The following ZNF516 variants were observed in gnomAD, a reference collection of about 807,000 sequenced individuals.
The protein encoded by ZNF516 is zinc finger protein 516.
In ZNF516, 19 loss-of-function variants were observed where a neutral mutation model predicts 79.7. That is an observed-to-expected ratio of 0.24 (90% CI 0.17 to 0.35). The LOEUF (loss-of-function observed/expected upper bound fraction) is 0.35, where lower values mean the gene tolerates loss of function less well. Ranked by LOEUF, ZNF516 falls within the 10% of genes least tolerant of loss-of-function variation. The pLI, the probability that ZNF516 is intolerant of heterozygous loss-of-function variation, is 1.00. For synonymous variants in ZNF516, 877 were observed against 739.5 expected (o/e 1.19, Z -3.02); for missense variants, 1,678 against 1,679.5 (o/e 1.00, Z 0.02).
At chr18:76,384,573 C>T (rs2074952795) in intron 3 of ZNF516, among the ~76,000 whole-genome samples, 1 of 146,018 alleles carries the variant, frequency 6.8e-6, no homozygotes, top group African/African-American at 2.6e-5. Context: ...CCCTCCATGG[C>T]CCCCAAACTC....
chr18:76,464,952 C>T (rs1424252390), intron 1 of ZNF516, among the ~76,000 whole-genome samples: 2 of 152,128 alleles, frequency 1.3e-5, no homozygotes, highest in Non-Finnish European at 2.9e-5. Flanking sequence ...TACTGGAATG[C>T]GACCCCAGGG....
intron 1 of ZNF516, among the ~76,000 whole-genome samples, chr18:76,483,471 G>C (rs886142094): frequency 6.6e-6 from 1 of 151,816 alleles, no homozygotes; most frequent in Non-Finnish European, 1.5e-5. Context: ...GCATCTGTCC[G>C]TCATCAGCAT....
Position 76,459,135 on chromosome 18 carries a change from G to A in ZNF516, c.-158+3893C>T, listed in dbSNP as rs1912936299. Among the ~76,000 whole-genome samples, 1 of 152,224 alleles carries A rather than the reference G, an allele frequency of 6.6e-6. No individual in the cohort carries two copies. The highest frequency in any genetic ancestry group is 2.4e-5 in the African/African-American group (1 of 41,458). ...CAGCAACACTCGTGCCCATGTGCCTGGATTACCAGCTTCGCACAGAGCCAG... is the reference window on the plus strand; with the variant it reads ...CAGCAACACTCGTGCCCATGTGCCTAGATTACCAGCTTCGCACAGAGCCAG... On this transcript the variant is annotated intron_variant, in intron 2 of 6. Coordinates refer to ENST00000443185, the MANE Select transcript of ZNF516 (RefSeq NM_014643.4). This position sits in a 1 kb window ranked among gnomAD's most constrained non-coding sequence, Gnocchi z 5.0.
chr18:76,371,200 A>C (rs758208918), intron 5 of ZNF516, among the ~76,000 whole-genome samples: 1 of 152,218 alleles, frequency 6.6e-6, no homozygotes, highest in Non-Finnish European at 1.5e-5. Flanking sequence ...ATTTCTGAGG[A>C]GTCAGTTACT....
At chr18:76,381,340 C>T (rs1353653516) in intron 3 of ZNF516, among the ~76,000 whole-genome samples, 3 of 152,096 alleles carry the variant, frequency 2.0e-5, no homozygotes, top group Non-Finnish European at 4.4e-5. Context: ...CAGATGTTTC[C>T]GGATATCTTA....
At chr18:76,392,327 G>A (rs1418026698) in intron 3 of ZNF516, among the ~76,000 whole-genome samples, 2 of 152,186 alleles carry the variant, frequency 1.3e-5, no homozygotes, top group African/African-American at 4.8e-5. Context: ...ACAATCTTCT[G>A]GTCAGCCACA....
rs368128166 is a variant in ZNF516 at position 76,380,292 on chromosome 18, G to A, written c.1822C>T (p.Arg608Cys). Residue 608 changes from arginine (R) to cysteine (C), a missense_variant, in exon 4 of 7, where the codon CGC becomes TGC. This residue lies in a region of ZNF516 where 1,294 missense variants were observed against 1,248.3 expected (regional missense o/e 1.04). Coordinates refer to ENST00000443185, the MANE Select transcript of ZNF516 (RefSeq NM_014643.4). ...ACCTCTTCGGAAAAGCAGCAGCGGCGCGGCTGTCCCCCTAGAGGAGGCAAA... is the reference window on the plus strand; with the variant it reads ...ACCTCTTCGGAAAAGCAGCAGCGGCACGGCTGTCCCCCTAGAGGAGGCAAA... ...APEPAPGGQP[R>C]RCCFSEEVTS... is the part of the protein sequence containing the mutation. The A allele has an allele frequency of 8.7e-6, 14 of 1,613,294 alleles. No homozygotes were observed. The highest frequency in any genetic ancestry group is 2.2e-5 in the East Asian group (1 of 44,862).
intron 5 of ZNF516, among the ~76,000 whole-genome samples, chr18:76,370,971 C>T (rs2074693994): frequency 6.6e-6 from 1 of 152,160 alleles, no homozygotes; most frequent in Admixed American, 6.5e-5. Context: ...TCTCTAATGC[C>T]CCTGCGCTGT....
At chr18:76,430,570 A>G (rs1198823288) in intron 3 of ZNF516, among the ~76,000 whole-genome samples, 1 of 152,224 alleles carries the variant, frequency 6.6e-6, no homozygotes, top group Non-Finnish European at 1.5e-5. Flanking sequence ...GCCATTCTCC[A>G]TCAGGTTTCA....
At chr18:76,491,678 C>CG in intron 1 of ZNF516, 1 of 505,726 alleles carries the variant, frequency 2.0e-6, no homozygotes, top group South Asian at 8.4e-5. Flanking sequence ...GCCCCCACCC[C>CG]GGGGCGGGCA....
chr18:76,452,681 C>T (rs1472308841), intron 2 of ZNF516, among the ~76,000 whole-genome samples: 1 of 152,200 alleles, frequency 6.6e-6, no homozygotes, highest in Non-Finnish European at 1.5e-5. Flanking sequence ...AATAGAAGAA[C>T]ATTTGCTAAG....
intron 3 of ZNF516, among the ~76,000 whole-genome samples, chr18:76,408,510 G>A (rs1444252563): frequency 6.6e-6 from 1 of 152,142 alleles, no homozygotes; most frequent in Non-Finnish European, 1.5e-5. Flanking sequence ...TTTAAGGGAT[G>A]GTTTAAAAGG....
In ZNF516 at chr18:76,416,033, C is replaced by T. The variant is rs373443058; in HGVS notation, c.1810+25212G>A. The stretch of plus-strand genomic sequence containing the variant: ...TTTATACTAACAGAGTAAGCTGTTT[C>T]TAACAATACATCCTCCTGTACTAAG... On this transcript the variant is annotated intron_variant, in intron 3 of 6. Transcript: ENST00000443185. 9.2e-5 allele frequency among the ~76,000 whole-genome samples: 14 copies of T among 152,316 alleles called. No homozygotes were observed. In the South Asian group the frequency reaches 2.9e-3, roughly 32 times the overall value.
chr18:76,432,071 G>A (rs2075668121), intron 3 of ZNF516, among the ~76,000 whole-genome samples: 1 of 152,236 alleles, frequency 6.6e-6, no homozygotes, highest in South Asian at 2.1e-4. Context: ...GATAGTCTCT[G>A]CAGATGTCAC....
chr18:76,496,313 T>G (rs1469171686), upstream of ZNF516: 3 of 1,289,568 alleles, frequency 2.3e-6, no homozygotes, highest in Admixed American at 6.9e-5. Flanking sequence ...CTCCTCGTGA[T>G]AACTCCGCAG....
chr18:76,381,279 T>C (rs1359943901), intron 3 of ZNF516, among the ~76,000 whole-genome samples: 2 of 152,212 alleles, frequency 1.3e-5, no homozygotes, highest in Non-Finnish European at 2.9e-5. Context: ...ATGTTTTGCA[T>C]TTACGGCCTT....
In ZNF516 at chr18:76,410,679, A is replaced by T. The variant is rs746448017; in HGVS notation, c.1811-30376T>A. On this transcript the variant is annotated intron_variant, in intron 3 of 6. Transcript: ENST00000443185. ...CTTCCCCTTGCAAATTTATTTTGGG[A>T]ATCAAAGAAAATAAACCATTCACTT... Among the ~76,000 whole-genome samples the T allele has an allele frequency of 1.1e-3, 168 of 152,324 alleles. 1 individual carries two copies. Among genetic ancestry groups the T allele is most frequent in the Non-Finnish European group, 2.0e-3 (133 of 68,032 alleles).
chr18:76,366,412 AT>A (rs1431250063), intron 6 of ZNF516, among the ~76,000 whole-genome samples: 1 of 152,244 alleles, frequency 6.6e-6, no homozygotes, highest in Non-Finnish European at 1.5e-5. Flanking sequence ...AACTATGCCT[AT>A]CTTGACAACA....
At chr18:76,440,504 AAAT>A (rs2075799838) in intron 3 of ZNF516, among the ~76,000 whole-genome samples, 1 of 152,272 alleles carries the variant, frequency 6.6e-6, no homozygotes, top group Admixed American at 6.5e-5. Flanking sequence ...GCAAAGCAAA[AAAT>A]AATAAAAGAA....
Sources: allele counts gnomAD v4.1 joint callset (sites outside exome capture counted in the v4.1 genomes callset), GRCh38; gene constraint gnomAD v4.1.1; regional missense constraint gnomAD v4.1.1; non-coding constraint Gnocchi (gnomAD v3.1); transcripts MANE v1.5; gene names NCBI Gene and HGNC (gene_info 2026-07-23, HGNC 2026-07-21).